The following ADAMTSL1 variants were observed in gnomAD, a reference collection of about 807,000 sequenced individuals.
ADAMTSL1 encodes the protein ADAMTS-like protein 1.
A neutral mutation model predicts 201.8 loss-of-function variants in ADAMTSL1; 126 were observed. The observed-to-expected ratio is 0.62, with a 90% CI of 0.54 to 0.72. The LOEUF is 0.72. ADAMTSL1 is among the 30% of genes least tolerant of loss of function. The probability of loss-of-function intolerance (pLI) is 0.00; values close to 1 mark genes in which losing one functional copy is unlikely to be tolerated. For missense variants in ADAMTSL1, 2,679 were observed against 2,277.8 expected (o/e 1.18, Z -3.59); for synonymous variants, 1,121 against 903.4 (o/e 1.24, Z -4.32).
chr9:18,788,924 G>A (rs1295573059), intron 19 of ADAMTSL1, among the ~76,000 whole-genome samples: 3 of 151,378 alleles, frequency 2.0e-5, no homozygotes, highest in African/African-American at 7.3e-5. Context: ...TGTTAATACA[G>A]TTATGGAAAT....
chr9:18,685,066 C>G, intron 13 of ADAMTSL1: 6 of 1,012,408 alleles, frequency 5.9e-6, no homozygotes, highest in Non-Finnish European at 7.4e-6. Context: ...CTCCTCTCTT[C>G]TCTGCGCAAG....
chr9:17,983,374 T>A (rs1346336367), intron 1 of ADAMTSL1, among the ~76,000 whole-genome samples: 1 of 152,172 alleles, frequency 6.6e-6, no homozygotes, highest in Non-Finnish European at 1.5e-5. Flanking sequence ...CGGCCCCTTT[T>A]CAACTTTTAA....
chr9:18,151,939 G>T (rs970774664), intron 1 of ADAMTSL1, among the ~76,000 whole-genome samples: 15 of 152,036 alleles, frequency 9.9e-5, no homozygotes, highest in Admixed American at 5.3e-4. Flanking sequence ...GTCAGTCAAG[G>T]TGGAAATACT....
intron 2 of ADAMTSL1, among the ~76,000 whole-genome samples, chr9:18,324,061 C>A (rs1456200022): frequency 6.6e-6 from 1 of 152,142 alleles, no homozygotes; most frequent in Non-Finnish European, 1.5e-5. Context: ...AGGATTTATA[C>A]TACCTGATTT....
chr9:18,340,136 C>T (rs891854141), intron 2 of ADAMTSL1, among the ~76,000 whole-genome samples: 2 of 152,182 alleles, frequency 1.3e-5, no homozygotes, highest in South Asian at 2.1e-4. Context: ...AATGGGAAAT[C>T]TGGGGCTTCC....
intron 2 of ADAMTSL1, among the ~76,000 whole-genome samples, chr9:18,345,454 C>G (rs576061004): frequency 1.8e-4 from 28 of 152,174 alleles, no homozygotes; most frequent in African/African-American, 6.7e-4. Context: ...AATAACTCTT[C>G]GAGAATGATG....
intron 1 of ADAMTSL1, among the ~76,000 whole-genome samples, chr9:17,950,430 A>C: frequency 6.6e-6 from 1 of 151,958 alleles, no homozygotes; most frequent in East Asian, 1.9e-4. Context: ...CTTTCCCAGA[A>C]GAAATTTCTA....
At chr9:18,154,663 C>A (rs1827072365) in intron 1 of ADAMTSL1, among the ~76,000 whole-genome samples, 1 of 151,968 alleles carries the variant, frequency 6.6e-6, no homozygotes, top group Admixed American at 6.6e-5. Flanking sequence ...TGATTCTCTT[C>A]CCCCGAGGAA....
chr9:18,667,345 G>T (rs993978363), intron 9 of ADAMTSL1, among the ~76,000 whole-genome samples: 3 of 151,842 alleles, frequency 2.0e-5, no homozygotes, highest in Admixed American at 2.0e-4. Context: ...TAGAACAAGT[G>T]TTATGTGTAG....
chr9:18,185,806 T>A (rs138504386), intron 2 of ADAMTSL1, among the ~76,000 whole-genome samples: 19 of 152,292 alleles, frequency 1.2e-4, no homozygotes, highest in Non-Finnish European at 2.6e-4. Context: ...ATTGGTTATG[T>A]CATGTAAAAT....
At position 18,777,637 on chromosome 9, in the gene ADAMTSL1, A is replaced by G. The variant is rs756254749; in HGVS notation, c.3408A>G (p.Lys1136=). The G allele has an allele frequency of 1.2e-6, 2 of 1,613,694 alleles. No homozygotes were observed. Among genetic ancestry groups the G allele is most frequent in the Non-Finnish European group, 8.5e-7 (1 of 1,179,852 alleles). The part of the protein sequence containing the change: ...RTSPVTLSPH[K]HVSGFSSSLR... Reference sequence around the variant, plus strand: ...CCCCAGTGACTCTCTCGCCTCATAAACACGTGTCTGGCTTCAGCAGCTCCC... The same window carrying G: ...CCCCAGTGACTCTCTCGCCTCATAAGCACGTGTCTGGCTTCAGCAGCTCCC... Residue 1136 remains lysine (K), a synonymous_variant, in exon 19 of 29, where the codon AAA becomes AAG. Transcript: ENST00000380548.
intron 2 of ADAMTSL1, among the ~76,000 whole-genome samples, chr9:18,331,493 T>C (rs1008311303): frequency 6.6e-6 from 1 of 152,184 alleles, no homozygotes; most frequent in Admixed American, 6.5e-5. Flanking sequence ...TAATTAGTCC[T>C]GAACTATGCC....
At chr9:18,539,168 G>A (rs1176293655) in intron 3 of ADAMTSL1, among the ~76,000 whole-genome samples, 2 of 151,996 alleles carry the variant, frequency 1.3e-5, no homozygotes, top group Admixed American at 6.6e-5. Context: ...TTGCTTATTC[G>A]CTTATTCATT....
rs193171858 is a variant in ADAMTSL1, at chr9:18,364,453, T to C, written c.208-140376T>C. On this transcript the variant is annotated intron_variant, in intron 2 of 29. Coordinates refer to the ADAMTSL1 transcript ENST00000680146. ...CAAACCCCAATTCTCTCTCAGACAA[T>C]ATAGTTTAATCCCTTAGCTTAAAGA... 2.6e-5 allele frequency among the ~76,000 whole-genome samples: 4 copies of C among 152,176 alleles called. No homozygotes were observed. In the East Asian group the frequency reaches 5.8e-4, roughly 22 times the overall value.
At chr9:18,601,894 G>T (rs1824685210) in intron 4 of ADAMTSL1, among the ~76,000 whole-genome samples, 1 of 151,956 alleles carries the variant, frequency 6.6e-6, no homozygotes, top group Non-Finnish European at 1.5e-5. Flanking sequence ...TTGACAGAAG[G>T]TTCTTAGAAC....
At chr9:18,550,886 C>G (rs1451736143) in intron 3 of ADAMTSL1, among the ~76,000 whole-genome samples, 1 of 151,788 alleles carries the variant, frequency 6.6e-6, no homozygotes, top group African/African-American at 2.4e-5. Context: ...GCTAAGATCC[C>G]TCTTGTATTT....
chr9:18,408,400 G>A (rs1818292794), intron 2 of ADAMTSL1, among the ~76,000 whole-genome samples: 1 of 152,088 alleles, frequency 6.6e-6, no homozygotes, highest in South Asian at 2.1e-4. Flanking sequence ...GAACCCAGGA[G>A]ACAGAGGTTG....
chr9:18,083,187 T>C (rs758897695), intron 1 of ADAMTSL1, among the ~76,000 whole-genome samples: 1 of 152,162 alleles, frequency 6.6e-6, no homozygotes. Flanking sequence ...AAGGCAATAT[T>C]TGAGGTTTTT....
chr9:18,398,096 T>C (rs61647240), intron 2 of ADAMTSL1, among the ~76,000 whole-genome samples: 7,091 of 152,232 alleles, frequency 0.047, 174 homozygotes, highest in Middle Eastern at 0.092. Context: ...TAGTATTGGT[T>C]TTCAACACTC....
Sources: gnomAD v4.1 joint callset for allele counts (sites outside exome capture counted in the v4.1 genomes callset) on GRCh38, gnomAD v4.1.1 for gene constraint, MANE v1.5 for transcripts, NCBI Gene and HGNC (gene_info 2026-07-23, HGNC 2026-07-21) for gene names.